NELFB: variants seen among roughly 807,000 people sequenced by gnomAD.
The protein encoded by NELFB is negative elongation factor complex member B.
Under a neutral mutation model 60.2 loss-of-function variants are expected in NELFB, and 34 were observed. The ratio of observed to expected loss-of-function variants is 0.56; its 90% CI spans 0.43 to 0.75. The LOEUF is 0.75. NELFB is among the 30% of genes least tolerant of loss of function. The probability of loss-of-function intolerance (pLI) is 0.00; values close to 1 mark genes in which losing one functional copy is unlikely to be tolerated. For missense variants in NELFB, 770 were observed against 831.6 expected, an observed-to-expected ratio of 0.93 and a Z score of 0.91; for synonymous variants, 459 against 382.1, an observed-to-expected ratio of 1.20 and a Z score of -2.35.
Position 137,272,879 on chromosome 9 carries a change from C to T in NELFB, c.1838C>T (p.Pro613Leu), listed in dbSNP as rs745670214. ...AGCCCGGCACAGGCTGCGGAGACGC[C>T]GGCCCTGGAGCTGCCCCTCCCCAGC... The change falls in exon 13 of 13, where the codon CCG becomes CTG. Residue 613 changes from proline (P) to leucine (L), a missense_variant. By Grantham distance (98) the Pro-to-Leu change is moderately conservative. Coordinates refer to ENST00000343053, the MANE Select transcript of NELFB (RefSeq NM_015456.5). The T allele has an allele frequency of 3.0e-5, 46 of 1,547,364 alleles. No individual in the cohort carries two copies. The highest frequency in any genetic ancestry group is 6.0e-5 in the South Asian group (5 of 83,820).
rs776775232 is a variant in NELFB at position 137,264,348 on chromosome 9, A to T, written c.1031A>T (p.Gln344Leu). Reference sequence around the variant, plus strand: ...GATGGCGTCAAGAAGGGCCAGGAGCAGGTGCTGGGGTGAGGGTCGGCTCCA... The same window carrying T: ...GATGGCGTCAAGAAGGGCCAGGAGCTGGTGCTGGGGTGAGGGTCGGCTCCA... The change falls in exon 6 of 13, where the codon CAG (glutamine) becomes CTG (leucine). Residue 344 changes from glutamine (Q) to leucine (L), a missense_variant. Transcript: ENST00000343053. 6.3e-7 allele frequency: 1 copy of T among 1,589,070 alleles called. No individual in the cohort carries two copies. Among genetic ancestry groups the T allele is most frequent in the Middle Eastern group, 1.9e-4 (1 of 5,178 alleles).
intron 10 of NELFB, among the ~76,000 whole-genome samples, chr9:137,268,401 T>C (rs1037119004): frequency 2.0e-5 from 3 of 152,058 alleles, no homozygotes; most frequent in Non-Finnish European, 4.4e-5. Context: ...CTGGCCAACA[T>C]GGTGAAACCC....
At chr9:137,258,596 G>A (rs577964732) in intron 4 of NELFB, among the ~76,000 whole-genome samples, 30 of 151,412 alleles carry the variant, frequency 2.0e-4, no homozygotes, top group African/African-American at 7.3e-4. Flanking sequence ...CTACAGGCGC[G>A]CCCCACCATG....
chr9:137,267,231 CG>C lies in NELFB; in HGVS notation c.1383-6del. On this transcript the variant is annotated splice_region_variant and splice_polypyrimidine_tract_variant and intron_variant, in intron 9 of 12. Transcript: ENST00000343053. ...GGCTGAGGTGGGGCTGATGGCGCCC[CG>C]GGCGCAGGTTTCTGCAGGAGCAGCG... The C allele has an allele frequency of 6.2e-7, 1 of 1,609,904 alleles. No homozygotes were observed. Among genetic ancestry groups the C allele is most frequent in the Non-Finnish European group, 8.5e-7 (1 of 1,177,580 alleles).
rs940922719 is a variant in NELFB, at chr9:137,257,000, C to G, written c.687C>G (p.Leu229=). ...AGAGCGCTCTCTTCAGTACAGAGCTCTCTGTCCTGCACAACTTTTTCAGTC... is the reference window on the plus strand; with the variant it reads ...AGAGCGCTCTCTTCAGTACAGAGCTGTCTGTCCTGCACAACTTTTTCAGTC... Residue 229 remains leucine (L), a synonymous_variant, in exon 4 of 13, where the codon CTC becomes CTG. Coordinates refer to ENST00000343053, the MANE Select transcript of NELFB (RefSeq NM_015456.5). 3.7e-6 allele frequency: 6 copies of G among 1,613,888 alleles called. No homozygotes were observed. The highest frequency in any genetic ancestry group is 3.3e-5 in the Admixed American group (2 of 60,014).
chr9:137,272,622 G>C lies in NELFB; in HGVS notation c.1740+7G>C, dbSNP rs754623521. ...CCTGGAGCCTACAGGCCAGGTGGGT[G>C]CCCGGGGGGGCTGCATCTGAAGGCA... On this transcript the variant is annotated splice_region_variant and intron_variant, in intron 12 of 12. Transcript: ENST00000343053. 1.9e-6 allele frequency: 3 copies of C among 1,580,240 alleles called. No individual in the cohort carries two copies. In the African/African-American group the frequency reaches 4.1e-5, roughly 21 times the overall value.
intron 4 of NELFB, among the ~76,000 whole-genome samples, chr9:137,261,180 A>G (rs1830435998): frequency 6.7e-6 from 1 of 150,086 alleles, no homozygotes; most frequent in African/African-American, 2.5e-5. Context: ...ATCTACTAAA[A>G]ATACAAAAAA....
At chr9:137,271,503 G>A (rs960482898) in intron 10 of NELFB, among the ~76,000 whole-genome samples, 1 of 152,270 alleles carries the variant, frequency 6.6e-6, no homozygotes, top group African/African-American at 2.4e-5. Context: ...TGCCAACACC[G>A]TGGCTTCTGT....
At position 137,266,953 on chromosome 9, in the gene NELFB, C is replaced by T; in HGVS notation, c.1249C>T (p.Leu417Phe). 6.2e-7 allele frequency: 1 copy of T among 1,613,472 alleles called. No individual in the cohort carries two copies. Among genetic ancestry groups the T allele is most frequent in the East Asian group, 2.2e-5 (1 of 44,876 alleles). ...CCTCCCCTCCTCGTAGGAGGTAGAG[C>T]TCATCACCAGGTTCCTCCCGATGCT... is the stretch of plus-strand genomic sequence containing the variant. Residue 417 changes from leucine (L) to phenylalanine (F), a missense_variant, in exon 9 of 13, where the codon CTC becomes TTC. Leu to Phe is a conservative substitution (Grantham distance 22). Transcript: ENST00000343053.
intron 9 of NELFB, 21 bp downstream of exon 9, chr9:137,267,107 G>C: frequency 6.2e-7 from 1 of 1,613,762 alleles, no homozygotes; most frequent in Non-Finnish European, 8.5e-7. Flanking sequence ...TAGGGCCATG[G>C]TGCAGGGGTG....
In NELFB at chr9:137,255,402, G is replaced by A; in HGVS notation, c.37G>A (p.Gly13Ser). 1.1e-6 allele frequency: 1 copy of A among 905,250 alleles called. No homozygotes were observed. Among genetic ancestry groups the A allele is most frequent in the South Asian group, 3.0e-5 (1 of 32,958 alleles). 56.1% of individuals were successfully genotyped at this position (905,250 alleles called of 1,614,324 possible). A position where few individuals can be genotyped will look rare whatever the true frequency, so the allele number is the denominator to read the frequency against. Reference sequence around the variant, plus strand: ...GGAGGGCGCCGGGGAGCGGGGCTCGGGCGGTCCCCGAGGCCCGGCGGAGCG... The same window carrying A: ...GGAGGGCGCCGGGGAGCGGGGCTCGAGCGGTCCCCGAGGCCCGGCGGAGCG... Residue 13 changes from glycine to serine, a missense_variant, in exon 1 of 13, where the codon GGC becomes AGC. Coordinates refer to ENST00000343053, the MANE Select transcript of NELFB (RefSeq NM_015456.5).
chr9:137,262,156 C>T (rs1056287524), intron 4 of NELFB, among the ~76,000 whole-genome samples: 10 of 152,162 alleles, frequency 6.6e-5, no homozygotes, highest in Admixed American at 2.0e-4. Context: ...CACAGGGAGA[C>T]GGTTAGGCCT....
rs756174445 is a variant in NELFB at position 137,263,205 on chromosome 9, G to A, written c.910G>A (p.Val304Met). The A allele has an allele frequency of 3.1e-6, 5 of 1,611,632 alleles. No individual in the cohort carries two copies. The highest frequency in any genetic ancestry group is 4.2e-6 in the Non-Finnish European group (5 of 1,178,986). ...CCTGGACGTGGGTGAAATCTGCACC[G>A]TGGACCCGTGCCACAAGGTAGCACT... Residue 304 changes from valine (V) to methionine (M), a missense_variant, in exon 5 of 13, where the codon GTG (valine) becomes ATG (methionine). Transcript: ENST00000343053.
In NELFB at chr9:137,269,322, G is replaced by A. The variant is rs191573996; in HGVS notation, c.1489+1976G>A. On this transcript the variant is annotated intron_variant, in intron 10 of 12. Coordinates refer to ENST00000343053, the MANE Select transcript of NELFB (RefSeq NM_015456.5). The surrounding 1 kb of genome is among the most constrained non-coding windows in gnomAD (Gnocchi z 5.3). ...CAGACATGACCTCCTGGGCTTCTGC[G>A]GGTGCCAACACTGCCGCTCCTTCTG... is the stretch of plus-strand genomic sequence containing the variant. Among the ~76,000 whole-genome samples, 1,358 of 152,200 alleles carry A rather than the reference G, an allele frequency of 8.9e-3. 8 individuals carry two copies. The highest frequency in any genetic ancestry group is 0.018 in the Admixed American group (271 of 15,284).
chr9:137,259,446 A>T (rs1830396280), intron 4 of NELFB, among the ~76,000 whole-genome samples: 2 of 152,082 alleles, frequency 1.3e-5, no homozygotes, highest in South Asian at 4.1e-4. Flanking sequence ...TAGGTCCTCC[A>T]TGGGCCTTTT....
chr9:137,255,616 G>A lies in NELFB; in HGVS notation c.246+5G>A. On this transcript the variant is annotated splice_donor_5th_base_variant and intron_variant, in intron 1 of 12. Transcript: ENST00000343053. Reference sequence around the variant, plus strand: ...AAGGCCATCGAGCAGTTCCAGGTGGGGCGGCCCCCGGGGCGGGGGGAGCCC... The same window carrying A: ...AAGGCCATCGAGCAGTTCCAGGTGGAGCGGCCCCCGGGGCGGGGGGAGCCC... The A allele has an allele frequency of 2.6e-6, 4 of 1,545,524 alleles. No individual in the cohort carries two copies. The highest frequency in any genetic ancestry group is 3.5e-6 in the Non-Finnish European group (4 of 1,145,218).
chr9:137,255,477 G>C lies in NELFB; in HGVS notation c.112G>C (p.Ala38Pro). 3.3e-6 allele frequency: 5 copies of C among 1,519,198 alleles called. No individual in the cohort carries two copies. Among genetic ancestry groups the C allele is most frequent in the Non-Finnish European group, 4.4e-6 (5 of 1,133,656 alleles). 94.1% of individuals were successfully genotyped at this position (1,519,198 alleles called of 1,614,324 possible). Residue 38 changes from alanine (A) to proline (P), a missense_variant, in exon 1 of 13, where the codon GCG becomes CCG. Ala to Pro is a conservative substitution (Grantham distance 27). Coordinates refer to ENST00000343053, the MANE Select transcript of NELFB (RefSeq NM_015456.5). ...GCCGGGGGAACGGGCTGGGGATGGGGCGCCTAGCCGGGCGGTGGCCGGGGC... is the reference window on the plus strand; with the variant it reads ...GCCGGGGGAACGGGCTGGGGATGGGCCGCCTAGCCGGGCGGTGGCCGGGGC...
chr9:137,266,222 T>A (rs1830515819), intron 7 of NELFB, 109 bp from the exon 8 acceptor site: 1 of 982,932 alleles, frequency 1.0e-6, no homozygotes, highest in Admixed American at 2.5e-5. Context: ...AGTCGTGTGG[T>A]CCTGGCCATG....
At chr9:137,268,710 G>C (rs1423153565) in intron 10 of NELFB, among the ~76,000 whole-genome samples, 1 of 152,202 alleles carries the variant, frequency 6.6e-6, no homozygotes, top group African/African-American at 2.4e-5. Context: ...CAGAGGGCAA[G>C]AGAGCACGGG....
Sources: allele counts gnomAD v4.1 joint callset (sites outside exome capture counted in the v4.1 genomes callset), GRCh38; gene constraint gnomAD v4.1.1; non-coding constraint Gnocchi (gnomAD v3.1); transcripts MANE v1.5; gene names NCBI Gene and HGNC (gene_info 2026-07-23, HGNC 2026-07-21).